FAR2: variants seen among roughly 807,000 people sequenced by gnomAD.
The protein encoded by FAR2 is epididymis secretory protein Li 81.
Under a neutral mutation model 56.0 loss-of-function variants are expected in FAR2, and 19 were observed. The observed-to-expected ratio is 0.34, with a 90% CI of 0.24 to 0.50. The LOEUF (loss-of-function observed/expected upper bound fraction) is 0.50. Ranked by LOEUF, FAR2 falls within the 20% of genes least tolerant of loss-of-function variation. The pLI is 0.98. For missense variants in FAR2, 508 were observed against 642.2 expected (o/e 0.79, Z 2.26); for synonymous variants, 219 against 218.8 (o/e 1.00, Z -0.01).
chr12:29,181,643 A>T (rs530493190), intron 1 of FAR2, among the ~76,000 whole-genome samples: 3 of 152,304 alleles, frequency 2.0e-5, no homozygotes, highest in African/African-American at 7.2e-5. Context: ...CTCTTTCCCT[A>T]CTGCTGTACA....
At chr12:29,332,524 A>G in intron 10 of FAR2, 76 bp from the exon 11 acceptor site, 1 of 1,592,918 alleles carries the variant, frequency 6.3e-7, no homozygotes, top group Non-Finnish European at 8.5e-7. Context: ...TCGTCTATGT[A>G]GAAGAAACCT....
intron 3 of FAR2, among the ~76,000 whole-genome samples, chr12:29,293,918 T>A (rs953285413): frequency 3.3e-5 from 5 of 152,204 alleles, no homozygotes; most frequent in African/African-American, 9.7e-5. Flanking sequence ...GCAATGAACA[T>A]CTGTGTGCAT....
intron 8 of FAR2, 54 bp from the exon 9 acceptor site, chr12:29,316,787 G>A (rs1381748918): frequency 1.9e-6 from 3 of 1,565,436 alleles, no homozygotes; most frequent in Non-Finnish European, 2.6e-6. Flanking sequence ...TTTCCACTAT[G>A]ATGGACTTAT....
At chr12:29,311,661 CT>C (rs1264913460) in intron 7 of FAR2, among the ~76,000 whole-genome samples, 5 of 118,222 alleles carry the variant, frequency 4.2e-5, no homozygotes, top group Non-Finnish European at 8.8e-5. Context: ...TATTTAACAT[CT>C]CTTTCACACA....
At chr12:29,317,367 T>C (rs1283803762) in intron 9 of FAR2, among the ~76,000 whole-genome samples, 1 of 152,316 alleles carries the variant, frequency 6.6e-6, no homozygotes, top group East Asian at 1.9e-4. Context: ...AGAAATGAAT[T>C]TTGTGTTTAG....
intron 4 of FAR2, among the ~76,000 whole-genome samples, chr12:29,298,524 C>T (rs1267880682): frequency 6.6e-6 from 1 of 151,992 alleles, no homozygotes; most frequent in Non-Finnish European, 1.5e-5. Flanking sequence ...ATATCCAGGA[C>T]AAAGAAGAAT....
At chr12:29,245,216 G>C (rs1477047198) in intron 1 of FAR2, among the ~76,000 whole-genome samples, 1 of 152,126 alleles carries the variant, frequency 6.6e-6, no homozygotes, top group Non-Finnish European at 1.5e-5. Context: ...TCTTGACCTC[G>C]TGATCCGCCC....
chr12:29,170,010 C>T (rs1039617406), intron 1 of FAR2, among the ~76,000 whole-genome samples: 1 of 152,136 alleles, frequency 6.6e-6, no homozygotes, highest in Non-Finnish European at 1.5e-5. Flanking sequence ...TTGTTGAAAA[C>T]CTTGTAAGTT....
intron 10 of FAR2, among the ~76,000 whole-genome samples, chr12:29,323,009 C>T (rs1434585354): frequency 6.6e-6 from 1 of 152,242 alleles, no homozygotes; most frequent in Non-Finnish European, 1.5e-5. Flanking sequence ...GCAGAAATCA[C>T]CCGTCTTCTG....
At chr12:29,197,572 G>C (rs2136612790) in intron 1 of FAR2, among the ~76,000 whole-genome samples, 1 of 152,278 alleles carries the variant, frequency 6.6e-6, no homozygotes, top group South Asian at 2.1e-4. Flanking sequence ...TATTTGTTGA[G>C]CACTTCCTGA....
intron 1 of FAR2, among the ~76,000 whole-genome samples, chr12:29,186,409 G>C (rs1308993014): frequency 6.6e-6 from 1 of 152,166 alleles, no homozygotes; most frequent in Non-Finnish European, 1.5e-5. Context: ...CAGGAGATTG[G>C]TCTGATAGAC....
chr12:29,307,530 C>T (rs1290881987), intron 4 of FAR2, 128 bp from the exon 5 acceptor site: 7 of 902,794 alleles, frequency 7.8e-6, no homozygotes, highest in Non-Finnish European at 1.0e-5. Context: ...AACTTGGTAT[C>T]ATGTGACTGT....
At chr12:29,195,881 T>G (rs969097251) in intron 1 of FAR2, among the ~76,000 whole-genome samples, 4 of 152,122 alleles carry the variant, frequency 2.6e-5, no homozygotes, top group African/African-American at 9.7e-5. Flanking sequence ...GAGTCCCCAT[T>G]GTCTATCATT....
intron 2 of FAR2, among the ~76,000 whole-genome samples, chr12:29,271,745 C>T (rs1334915721): frequency 6.6e-6 from 1 of 152,210 alleles, no homozygotes; most frequent in African/African-American, 2.4e-5. Context: ...TAACAGCTAA[C>T]ATTTACTGGA....
intron 1 of FAR2, among the ~76,000 whole-genome samples, chr12:29,248,676 G>C (rs554073468): frequency 1.3e-5 from 2 of 152,108 alleles, no homozygotes; most frequent in Admixed American, 6.6e-5. Flanking sequence ...ATTATTAGGC[G>C]GGAATTTCCT....
At chr12:29,212,307 A>C (rs1565473103) in intron 1 of FAR2, among the ~76,000 whole-genome samples, 1 of 152,112 alleles carries the variant, frequency 6.6e-6, no homozygotes, top group African/African-American at 2.4e-5. Context: ...GACCCATTTT[A>C]GGTCTTTATT....
intron 1 of FAR2, among the ~76,000 whole-genome samples, chr12:29,200,089 A>G (rs918210936): frequency 4.6e-5 from 7 of 152,160 alleles, no homozygotes; most frequent in Non-Finnish European, 1.0e-4. Context: ...GAAAACAAAC[A>G]AGGGTTAAGG....
intron 1 of FAR2, among the ~76,000 whole-genome samples, chr12:29,219,079 G>C (rs77247356): frequency 5.9e-4 from 89 of 152,090 alleles, no homozygotes; most frequent in African/African-American, 2.0e-3. Flanking sequence ...GGTACAGACA[G>C]GGTTTTACCA....
intron 1 of FAR2, among the ~76,000 whole-genome samples, chr12:29,260,382 T>C (rs1287392648): frequency 6.6e-6 from 1 of 152,172 alleles, no homozygotes; most frequent in African/African-American, 2.4e-5. Context: ...TGGACACAAC[T>C]CCTCTGCCAC....
Sources: gnomAD v4.1 joint callset for allele counts (sites outside exome capture counted in the v4.1 genomes callset) on GRCh38, gnomAD v4.1.1 for gene constraint, MANE v1.5 for transcripts, NCBI Gene and HGNC (gene_info 2026-07-23, HGNC 2026-07-21) for gene names.